The following TRIM67 variants were observed in gnomAD, a reference collection of about 807,000 sequenced individuals.
The protein encoded by TRIM67 is tripartite motif containing 67.
A neutral mutation model predicts 71.0 loss-of-function variants in TRIM67; 39 were observed. The ratio of observed to expected loss-of-function variants is 0.55; its 90% CI spans 0.43 to 0.72. The LOEUF (loss-of-function observed/expected upper bound fraction) is 0.72. Among genes scored for constraint, TRIM67 ranks in the 30% least tolerant of loss-of-function variants. The pLI is 0.00. For missense variants in TRIM67, 973 were observed against 1,079.2 expected, an observed-to-expected ratio of 0.90 and a Z score of 1.38; for synonymous variants, 481 against 473.9, an observed-to-expected ratio of 1.01 and a Z score of -0.19.
chr1:231,172,647 C>T (rs61708532), intron 1 of TRIM67, among the ~76,000 whole-genome samples: 5,749 of 152,166 alleles, frequency 0.038, 361 homozygotes, highest in African/African-American at 0.13. Context: ...GAGGCTGGGC[C>T]TTAGTCACAT....
intron 5 of TRIM67, among the ~76,000 whole-genome samples, chr1:231,202,322 G>C (rs2102752863): frequency 7.3e-6 from 1 of 137,118 alleles, no homozygotes; most frequent in South Asian, 2.4e-4. Flanking sequence ...GGAGGAGGAG[G>C]AAGAGAAGGA....
At chr1:231,179,619 A>C (rs1483291755) in intron 1 of TRIM67, among the ~76,000 whole-genome samples, 1 of 152,258 alleles carries the variant, frequency 6.6e-6, no homozygotes, top group African/African-American at 2.4e-5. Flanking sequence ...AATAACTCCC[A>C]CAAGCTTAGC....
At position 231,198,065 on chromosome 1, in the gene TRIM67, G is replaced by T. The variant is rs188039780; in HGVS notation, c.1140+599G>T. Among the ~76,000 whole-genome samples, 6 of 152,346 alleles carry T rather than the reference G, an allele frequency of 3.9e-5. No individual in the cohort carries two copies. In the East Asian group the frequency reaches 1.2e-3, roughly 29 times the overall value. ...GCCAATTAGAGAGAGCTGGAAAGAT[G>T]TGATCTAGCACTCTACGTGCCATGT... On this transcript the variant is annotated intron_variant, in intron 2 of 9. Transcript: ENST00000366653.
chr1:231,204,036 C>T lies in TRIM67; in HGVS notation c.1680+24C>T, dbSNP rs749735349. On this transcript the variant is annotated intron_variant, in intron 6 of 9. Coordinates refer to ENST00000366653, the MANE Select transcript of TRIM67 (RefSeq NM_001004342.5). The stretch of plus-strand genomic sequence containing the variant: ...GGGTGAGGCCTTGCTGCTTATTTGG[C>T]GGGGATTGAGGGTACCAATGCAGAG... The T allele has an allele frequency of 3.2e-5, 52 of 1,612,638 alleles. 1 individual carries two copies. Among genetic ancestry groups the T allele is most frequent in the South Asian group, 3.0e-4 (27 of 90,952 alleles).
chr1:231,199,556 A>C lies in TRIM67; in HGVS notation c.1263+387A>C, dbSNP rs117168805. Among the ~76,000 whole-genome samples the C allele has an allele frequency of 6.7e-4, 102 of 152,270 alleles. No homozygotes were observed. The East Asian group carries it at 0.019, about 29-fold the overall frequency. The stretch of plus-strand genomic sequence containing the variant: ...CTGATATTTCATGTACTCAACAGTC[A>C]GCAATAACATACACAGCCAGTTCCC... On this transcript the variant is annotated intron_variant, in intron 3 of 9. Transcript: ENST00000366653.
chr1:231,162,831 G>A lies in TRIM67; in HGVS notation c.-139G>A, dbSNP rs1457549657. ...GGACAGAGAGAGGGGCGTGCCCCTCGGCTGTGAAGTGGGCATGCCCGTGTG... is the reference window on the plus strand; with the variant it reads ...GGACAGAGAGAGGGGCGTGCCCCTCAGCTGTGAAGTGGGCATGCCCGTGTG... On this transcript the variant is annotated 5_prime_UTR_variant, in exon 1 of 10. Transcript: ENST00000366653. 2.7e-6 allele frequency: 3 copies of A among 1,116,374 alleles called. No individual in the cohort carries two copies. Among genetic ancestry groups the A allele is most frequent in the Non-Finnish European group, 3.7e-6 (3 of 802,500 alleles). 69.2% of individuals were successfully genotyped at this position (1,116,374 alleles called of 1,614,324 possible). A position where few individuals can be genotyped will look rare whatever the true frequency, so the allele number is the denominator to read the frequency against.
Position 231,197,547 on chromosome 1 carries a change from G to A in TRIM67, c.1140+81G>A, listed in dbSNP as rs542367527. 108 of 1,331,724 alleles carry A rather than the reference G, an allele frequency of 8.1e-5. No individual in the cohort carries two copies. The East Asian group carries it at 1.4e-3, about 17-fold the overall frequency. The allele number at this position is 1,331,724 out of a possible 1,614,324, so 82.5% of individuals were successfully genotyped here. The stretch of plus-strand genomic sequence containing the variant: ...TGCATCGTATTAAGAAGAAAGAGGC[G>A]GGGCACGGTGGCTCACACCTGTAAT... On this transcript the variant is annotated intron_variant, in intron 2 of 9. Transcript: ENST00000366653.
In TRIM67 at chr1:231,219,031, G is replaced by C. The variant is rs1053764702; in HGVS notation, c.*3591G>C. 2.0e-6 allele frequency: 2 copies of C among 985,374 alleles called. No homozygotes were observed. Among genetic ancestry groups the C allele is most frequent in the Admixed American group, 6.1e-5 (1 of 16,268 alleles). The allele number at this position is 985,374 out of a possible 1,614,324, so 61.0% of individuals were successfully genotyped here. ...CCCTGGGAAGGCGGGTTTCGGCACC[G>C]GTGGGCAGGTGGTTCAGTGTCAAGG... is the stretch of plus-strand genomic sequence containing the variant. On this transcript the variant is annotated 3_prime_UTR_variant, in exon 10 of 10. Transcript: ENST00000366653.
chr1:231,200,761 T>A (rs1683498483), intron 4 of TRIM67, among the ~76,000 whole-genome samples: 1 of 151,932 alleles, frequency 6.6e-6, no homozygotes, highest in Admixed American at 6.6e-5. Flanking sequence ...AAATGATGAA[T>A]CCCTTTGATT....
Position 231,162,695 on chromosome 1 carries a change from C to A in TRIM67, c.-275C>A. ...GCAGGCCACCGCGAGGGCAGCCGACCGGCTCCGGAATCTGGCCGCAGGTTG... is the reference window on the plus strand; with the variant it reads ...GCAGGCCACCGCGAGGGCAGCCGACAGGCTCCGGAATCTGGCCGCAGGTTG... On this transcript the variant is annotated 5_prime_UTR_variant, in exon 1 of 10. Coordinates refer to ENST00000366653, the MANE Select transcript of TRIM67 (RefSeq NM_001004342.5). 2.2e-6 allele frequency: 1 copy of A among 463,934 alleles called. No homozygotes were observed. The highest frequency in any genetic ancestry group is 3.8e-6 in the Non-Finnish European group (1 of 263,032). 28.7% of individuals were successfully genotyped at this position (463,934 alleles called of 1,614,324 possible). A position where few individuals can be genotyped will look rare whatever the true frequency, so the allele number is the denominator to read the frequency against.
At chr1:231,194,375 C>A (rs959479115) in intron 1 of TRIM67, among the ~76,000 whole-genome samples, 6 of 152,160 alleles carry the variant, frequency 3.9e-5, no homozygotes, top group Admixed American at 3.3e-4. Flanking sequence ...GGGCTCTGCA[C>A]CCCACTAAGG....
rs950439053 is a variant in TRIM67 at position 231,218,557 on chromosome 1, G to T, written c.*3117G>T. ...ATAGCATCCCAGCTCCTAATTCAAAGCAGGGGAAGGTATTTCCCCAAAGCC... is the reference window on the plus strand; with the variant it reads ...ATAGCATCCCAGCTCCTAATTCAAATCAGGGGAAGGTATTTCCCCAAAGCC... On this transcript the variant is annotated 3_prime_UTR_variant, in exon 10 of 10. Transcript: ENST00000366653. 1 of 985,294 alleles carries T rather than the reference G, an allele frequency of 1.0e-6. No individual in the cohort carries two copies. Among genetic ancestry groups the T allele is most frequent in the Non-Finnish European group, 1.2e-6 (1 of 829,936 alleles). 61.0% of individuals were successfully genotyped at this position (985,294 alleles called of 1,614,324 possible). A position where few individuals can be genotyped will look rare whatever the true frequency, so the allele number is the denominator to read the frequency against.
intron 6 of TRIM67, among the ~76,000 whole-genome samples, chr1:231,204,403 T>C (rs1474766914): frequency 6.6e-6 from 1 of 152,202 alleles, no homozygotes; most frequent in African/African-American, 2.4e-5. Flanking sequence ...GAGGAAGCAC[T>C]GTCTGACCCT....
At chr1:231,195,846 G>A (rs970533100) in intron 1 of TRIM67, among the ~76,000 whole-genome samples, 1 of 152,224 alleles carries the variant, frequency 6.6e-6, no homozygotes, top group African/African-American at 2.4e-5. Flanking sequence ...CAGCAGATCT[G>A]GGGTGCAGCC....
chr1:231,189,284 A>T (rs1683170386), intron 1 of TRIM67, among the ~76,000 whole-genome samples: 1 of 152,218 alleles, frequency 6.6e-6, no homozygotes, highest in Non-Finnish European at 1.5e-5. Flanking sequence ...ATGGCCTCCA[A>T]GGACGACATC....
At chr1:231,179,288 TG>T (rs1395733409) in intron 1 of TRIM67, among the ~76,000 whole-genome samples, 2 of 152,260 alleles carry the variant, frequency 1.3e-5, no homozygotes, top group African/African-American at 4.8e-5. Flanking sequence ...CATGCATGTA[TG>T]TGTTCAAATG....
At chr1:231,183,995 C>A (rs1357090831) in intron 1 of TRIM67, 2 of 152,146 alleles carry the variant, frequency 1.3e-5, no homozygotes, top group East Asian at 3.8e-4. Flanking sequence ...GAACAAACAC[C>A]CATCTCTCCA....
intron 1 of TRIM67, among the ~76,000 whole-genome samples, chr1:231,183,339 C>T (rs916306713): frequency 2.2e-4 from 33 of 152,170 alleles, no homozygotes; most frequent in African/African-American, 8.0e-4. Flanking sequence ...TGGCTCACAC[C>T]TGTAATCTCA....
At chr1:231,198,153 G>A (rs1683419226) in intron 2 of TRIM67, among the ~76,000 whole-genome samples, 1 of 152,182 alleles carries the variant, frequency 6.6e-6, no homozygotes, top group Non-Finnish European at 1.5e-5. Context: ...TGTCATCAAT[G>A]CATCAAAATA....
Sources: gnomAD v4.1 joint callset for allele counts (sites outside exome capture counted in the v4.1 genomes callset) on GRCh38, gnomAD v4.1.1 for gene constraint, MANE v1.5 for transcripts, NCBI Gene and HGNC (gene_info 2026-07-23, HGNC 2026-07-21) for gene names.